AXL: variants seen among roughly 807,000 people sequenced by gnomAD.
The protein encoded by AXL is tyrosine-protein kinase receptor UFO.
Under a neutral mutation model 104.5 loss-of-function variants are expected in AXL, and 52 were observed. The ratio of observed to expected loss-of-function variants is 0.50; its 90% CI spans 0.40 to 0.63. The LOEUF is 0.63. Ranked by LOEUF, AXL falls within the 20% of genes least tolerant of loss-of-function variation. The pLI is 0.00. For synonymous variants in AXL, 455 were observed against 473.7 expected, an observed-to-expected ratio of 0.96 and a Z score of 0.51; for missense variants, 1,024 against 1,188.5, an observed-to-expected ratio of 0.86 and a Z score of 2.04.
At chr19:41,220,961 G>A (rs1354615090) in intron 2 of AXL, 103 bp downstream of exon 2, 8 of 1,385,058 alleles carry the variant, frequency 5.8e-6, no homozygotes, top group Middle Eastern at 1.8e-4. Context: ...CAGCCGTGCG[G>A]CTTTGAGCAT....
At position 41,231,273 on chromosome 19, in the gene AXL, AC is replaced by A. The variant is rs752514954; in HGVS notation, c.763del (p.Leu255Ter). 1.2e-6 allele frequency: 2 copies of A among 1,613,078 alleles called. No homozygotes were observed. The highest frequency in any genetic ancestry group is 8.5e-7 in the Non-Finnish European group (1 of 1,179,552). On this transcript the variant is annotated frameshift_variant, in exon 6 of 20. Coordinates refer to ENST00000301178, the MANE Select transcript of AXL (RefSeq NM_021913.5). LOFTEE classifies it high-confidence loss of function. Reference sequence around the variant, plus strand: ...TGGACTCCAGGCCTGAGCGGCATCTACCCCCTGACCCACTGCACCCTGCAGG... The same window carrying A: ...TGGACTCCAGGCCTGAGCGGCATCTACCCCTGACCCACTGCACCCTGCAGG... ...VAWTPGLSGI[Y>X]PLTHCTLQAV...
chr19:41,241,835 C>T (rs900862064), intron 10 of AXL, among the ~76,000 whole-genome samples: 2 of 152,140 alleles, frequency 1.3e-5, no homozygotes, highest in Admixed American at 6.6e-5. Context: ...GAGTGAGACC[C>T]TGTCTCAAAA....
At chr19:41,236,973 CGTT>C (rs1451126660) in intron 6 of AXL, among the ~76,000 whole-genome samples, 1 of 151,728 alleles carries the variant, frequency 6.6e-6, no homozygotes, top group African/African-American at 2.4e-5. Context: ...CATCAGCTAT[CGTT>C]AGTGTTAGCG....
intron 6 of AXL, among the ~76,000 whole-genome samples, chr19:41,237,380 T>C (rs550705085): frequency 6.6e-6 from 1 of 152,208 alleles, no homozygotes; most frequent in African/African-American, 2.4e-5. Context: ...GTAGCTGGGA[T>C]TACAGGCGAG....
In AXL at chr19:41,238,053, G is replaced by A. The variant is rs781611976; in HGVS notation, c.893G>A (p.Ser298Asn). 2 of 1,613,818 alleles carry A rather than the reference G, an allele frequency of 1.2e-6. No individual in the cohort carries two copies. Among genetic ancestry groups the A allele is most frequent in the Non-Finnish European group, 1.7e-6 (2 of 1,179,948 alleles). Reference sequence around the variant, plus strand: ...CCCCCCCATCAGCTTCGGCTAGGCAGCCTCCATCCTCACACCCCTTATCAC... The same window carrying A: ...CCCCCCCATCAGCTTCGGCTAGGCAACCTCCATCCTCACACCCCTTATCAC... ...SVPPHQLRLG[S>N]LHPHTPYHIR... The change falls in exon 7 of 20, where the codon AGC (serine) becomes AAC (asparagine). Residue 298 changes from serine to asparagine, a missense_variant. By Grantham distance (46) the Ser-to-Asn change is conservative. Coordinates refer to ENST00000301178, the MANE Select transcript of AXL (RefSeq NM_021913.5).
chr19:41,244,006 G>A, intron 12 of AXL: 4 of 284,270 alleles, frequency 1.4e-5, no homozygotes, highest in South Asian at 6.3e-5. Flanking sequence ...AGGAGTTCGA[G>A]AACAGCCTGG....
Position 41,220,244 on chromosome 19 carries a change from C to CT in AXL, c.86-392_86-391insT, listed in dbSNP as rs143482982. ...TCTCCCTCCGCCACCACCCTTATCT[C>CT]CCCCCACCACCACCCTTATCTCTCT... is the stretch of plus-strand genomic sequence containing the variant. On this transcript the variant is annotated intron_variant, in intron 1 of 19. Coordinates refer to ENST00000301178, the MANE Select transcript of AXL (RefSeq NM_021913.5). Among the ~76,000 whole-genome samples the CT allele has an allele frequency of 3.9e-5, 4 of 103,512 alleles. No homozygotes were observed. In the South Asian group the frequency reaches 9.1e-4, roughly 24 times the overall value. 67.9% of individuals were successfully genotyped at this position (103,512 alleles called of 152,430 possible).
intron 12 of AXL, among the ~76,000 whole-genome samples, chr19:41,246,484 T>C (rs557965492): frequency 7.8e-6 from 1 of 128,372 alleles, no homozygotes; most frequent in Non-Finnish European, 1.6e-5. Flanking sequence ...AGGTTTTCTT[T>C]TGAGGCCAGG....
intron 6 of AXL, among the ~76,000 whole-genome samples, chr19:41,234,897 G>A (rs1212256454): frequency 6.6e-6 from 1 of 152,188 alleles, no homozygotes; most frequent in African/African-American, 2.4e-5. Context: ...TGAATTGTGT[G>A]GTTATGGGGG....
At chr19:41,251,908 T>A (rs1348961419) in intron 14 of AXL, among the ~76,000 whole-genome samples, 2 of 151,084 alleles carry the variant, frequency 1.3e-5, no homozygotes, top group Non-Finnish European at 2.9e-5. Context: ...GGTCAGGAGA[T>A]CGAAACCATC....
At chr19:41,245,265 T>C (rs2034252111) in intron 12 of AXL, among the ~76,000 whole-genome samples, 1 of 152,166 alleles carries the variant, frequency 6.6e-6, no homozygotes, top group African/African-American at 2.4e-5. Context: ...GAATTATAAA[T>C]TGGTAGAGAG....
At chr19:41,225,254 C>T (rs1449990373) in intron 4 of AXL, among the ~76,000 whole-genome samples, 2 of 152,250 alleles carry the variant, frequency 1.3e-5, no homozygotes. Flanking sequence ...ATCCACCGGC[C>T]TCGGCCTCCC....
chr19:41,258,986 C>T (rs1309868080), intron 19 of AXL, among the ~76,000 whole-genome samples: 1 of 152,154 alleles, frequency 6.6e-6, no homozygotes. Flanking sequence ...GGCTTCAGTT[C>T]GTTGCCATGT....
At chr19:41,235,061 A>G (rs2034054798) in intron 6 of AXL, among the ~76,000 whole-genome samples, 2 of 152,158 alleles carry the variant, frequency 1.3e-5, no homozygotes, top group Admixed American at 6.5e-5. Context: ...ACATAAAATA[A>G]TAAGTGACAG....
At chr19:41,255,096 C>T (rs1221241649) in intron 17 of AXL, among the ~76,000 whole-genome samples, 1 of 152,308 alleles carries the variant, frequency 6.6e-6, no homozygotes, top group African/African-American at 2.4e-5. Flanking sequence ...TACCCACTAT[C>T]CTGACTTCTC....
intron 19 of AXL, among the ~76,000 whole-genome samples, chr19:41,258,213 G>A (rs770912309): frequency 2.8e-4 from 42 of 152,204 alleles, no homozygotes; most frequent in African/African-American, 1.7e-4. Flanking sequence ...AGCCTGGGGC[G>A]TCAGACTCCT....
At position 41,222,102 on chromosome 19, in the gene AXL, G is replaced by A. The variant is rs1443941230; in HGVS notation, c.586+46G>A. The A allele has an allele frequency of 2.7e-6, 4 of 1,461,924 alleles. No individual in the cohort carries two copies. The East Asian group carries it at 7.5e-5, about 27-fold the overall frequency. 90.6% of individuals were successfully genotyped at this position (1,461,924 alleles called of 1,614,324 possible). A position where few individuals can be genotyped will look rare whatever the true frequency, so the allele number is the denominator to read the frequency against. Reference sequence around the variant, plus strand: ...CAGCTCCGAATAGGGGGCCGGGCAGGGCTGAAGTCAGGAGCAAGGGAACAT... The same window carrying A: ...CAGCTCCGAATAGGGGGCCGGGCAGAGCTGAAGTCAGGAGCAAGGGAACAT... On this transcript the variant is annotated intron_variant, in intron 4 of 19. Coordinates refer to ENST00000301178, the MANE Select transcript of AXL (RefSeq NM_021913.5).
At chr19:41,257,453 T>C (rs1308339170) in intron 18 of AXL, 40 bp from the exon 19 acceptor site, 1 of 1,612,612 alleles carries the variant, frequency 6.2e-7, no homozygotes, top group South Asian at 1.1e-5. Context: ...CGGGTGATTC[T>C]GTGCAGGAGA....
intron 8 of AXL, 109 bp from the exon 9 acceptor site, chr19:41,239,055 G>A: frequency 1.6e-6 from 2 of 1,283,918 alleles, no homozygotes; most frequent in Non-Finnish European, 2.2e-6. Flanking sequence ...TGAGGAGTTG[G>A]AGGATGGGGA....
Sources: allele counts gnomAD v4.1 joint callset (sites outside exome capture counted in the v4.1 genomes callset), GRCh38; gene constraint gnomAD v4.1.1; transcripts MANE v1.5; gene names NCBI Gene and HGNC (gene_info 2026-07-23, HGNC 2026-07-21).